Variants in SLC4A8 observed in about 807,000 individuals in gnomAD.
The protein encoded by SLC4A8 is solute carrier family 4 member 8.
In SLC4A8, 40 loss-of-function variants were observed where a neutral mutation model predicts 125.0. The ratio of observed to expected loss-of-function variants is 0.32; its 90% confidence interval spans 0.25 to 0.42. The LOEUF is 0.42. Among genes scored for constraint, SLC4A8 ranks in the 10% least tolerant of loss-of-function variants. SLC4A8 has a pLI of 1.00. For synonymous variants in SLC4A8, 456 were observed against 476.0 expected (o/e 0.96, Z 0.55); for missense variants, 863 against 1,355.1 (o/e 0.64, Z 5.70).
chr12:51,412,271 A>G (rs1948609501), intron 1 of SLC4A8, among the ~76,000 whole-genome samples: 1 of 152,038 alleles, frequency 6.6e-6, no homozygotes, highest in South Asian at 2.1e-4. Flanking sequence ...TGTTACTTGG[A>G]TGTATATCTT....
chr12:51,425,181 G>A (rs959181089), intron 1 of SLC4A8, 146 bp downstream of exon 1: 2 of 1,423,874 alleles, frequency 1.4e-6, no homozygotes, highest in Admixed American at 2.9e-5. Context: ...GACACCAGGG[G>A]GCGCTCCGGG....
Position 51,460,045 on chromosome 12 carries a change from C to T in SLC4A8, c.950C>T (p.Ala317Val). 1 of 1,613,720 alleles carries T rather than the reference C, an allele frequency of 6.2e-7. No homozygotes were observed. Among genetic ancestry groups the T allele is most frequent in the South Asian group, 1.1e-5 (1 of 91,084 alleles). ...EVDILDRPIV[A>V]FVRLSPAVLL... The stretch of plus-strand genomic sequence containing the variant: ...GATATTTTGGACCGTCCCATTGTTG[C>T]CTTTGTGAGGCTGTCTCCAGCTGTT... Residue 317 changes from alanine to valine, a missense_variant, in exon 8 of 25, where the codon GCC (alanine) becomes GTC (valine). Physicochemically the swap from Ala to Val is moderately conservative, Grantham distance 64. This residue lies in a region of SLC4A8 where 390 missense variants were observed against 634.4 expected (regional missense o/e 0.61). Coordinates refer to ENST00000453097, the MANE Select transcript of SLC4A8 (RefSeq NM_001039960.3).
rs1458614648 is a variant in SLC4A8 at position 51,474,328 on chromosome 12, A to T, written c.1905-14A>T. On this transcript the variant is annotated splice_polypyrimidine_tract_variant and intron_variant, in intron 14 of 24. Coordinates refer to ENST00000453097, the MANE Select transcript of SLC4A8 (RefSeq NM_001039960.3). Reference sequence around the variant, plus strand: ...GCTGTTTTCCTCAGGAATCTTTTTAATTTTTCCCCTCAGCTGCAGGTGTAC... The same window carrying T: ...GCTGTTTTCCTCAGGAATCTTTTTATTTTTTCCCCTCAGCTGCAGGTGTAC... The T allele has an allele frequency of 6.6e-7, 1 of 1,524,536 alleles. No individual in the cohort carries two copies. The highest frequency in any genetic ancestry group is 1.4e-5 in the African/African-American group (1 of 73,222). 94.4% of individuals were successfully genotyped at this position (1,524,536 alleles called of 1,614,324 possible).
chr12:51,447,035 T>C (rs1949790851), intron 2 of SLC4A8, among the ~76,000 whole-genome samples: 1 of 129,992 alleles, frequency 7.7e-6, no homozygotes, highest in Non-Finnish European at 1.8e-5. Context: ...TCTGCCTGCC[T>C]GCCTGTCTGT....
At chr12:51,405,925 A>G (rs1175336307) in intron 1 of SLC4A8, among the ~76,000 whole-genome samples, 2 of 152,232 alleles carry the variant, frequency 1.3e-5, no homozygotes, top group African/African-American at 2.4e-5. Context: ...CATGATGCCT[A>G]TAATAAATTA....
chr12:51,503,766 C>T (rs1229133199), intron 22 of SLC4A8, among the ~76,000 whole-genome samples: 2 of 152,102 alleles, frequency 1.3e-5, no homozygotes. Flanking sequence ...CTTCTGTCTG[C>T]TATATTTGTA....
chr12:51,475,388 T>A (rs1168509681), intron 16 of SLC4A8, among the ~76,000 whole-genome samples, 182 bp downstream of exon 16: 1 of 152,220 alleles, frequency 6.6e-6, no homozygotes, highest in Non-Finnish European at 1.5e-5. Flanking sequence ...TGGTTGGGAA[T>A]GAAGGGTTAA....
chr12:51,477,082 T>G (rs1950879517), intron 16 of SLC4A8, among the ~76,000 whole-genome samples: 2 of 151,948 alleles, frequency 1.3e-5, no homozygotes, highest in South Asian at 4.2e-4. Context: ...TTTTGTATTT[T>G]TAGTAGAGAC....
chr12:51,429,028 G>T (rs750065967), intron 1 of SLC4A8, among the ~76,000 whole-genome samples: 44 of 152,248 alleles, frequency 2.9e-4, no homozygotes, highest in Non-Finnish European at 5.1e-4. Flanking sequence ...TCCTGCCTCA[G>T]CATCCCGAGT....
chr12:51,481,828 A>C (rs990619469), intron 16 of SLC4A8, among the ~76,000 whole-genome samples: 1 of 151,764 alleles, frequency 6.6e-6, no homozygotes, highest in African/African-American at 2.4e-5. Flanking sequence ...GGTGTGTGAT[A>C]GTAGTCCCAG....
intron 16 of SLC4A8, among the ~76,000 whole-genome samples, chr12:51,476,449 C>G (rs937780128): frequency 5.3e-5 from 8 of 151,774 alleles, no homozygotes; most frequent in African/African-American, 1.9e-4. Flanking sequence ...CCACTGCACT[C>G]CAGCCTGGGC....
At chr12:51,495,337 A>G (rs1264805626) in intron 21 of SLC4A8, among the ~76,000 whole-genome samples, 3 of 151,956 alleles carry the variant, frequency 2.0e-5, no homozygotes, top group Admixed American at 1.3e-4. Context: ...CCATTCTCCC[A>G]TACCCTCAGC....
chr12:51,449,918 A>G (rs1426446528), intron 2 of SLC4A8, among the ~76,000 whole-genome samples: 3 of 152,082 alleles, frequency 2.0e-5, no homozygotes, highest in East Asian at 1.9e-4. Context: ...ATTCCTAGCT[A>G]CTTGGGAGAC....
At chr12:51,392,580 A>AAAAAG (rs1555183491) in intron 1 of SLC4A8, among the ~76,000 whole-genome samples, 2 of 150,856 alleles carry the variant, frequency 1.3e-5, no homozygotes, top group Non-Finnish European at 3.0e-5. Context: ...TCAAAAAAAA[A>AAAAAG]AAAAAAGAAA....
rs1006354708 is a variant in SLC4A8 at position 51,457,286 on chromosome 12, G to A, written c.575-65G>A. ...CCATGCCCTTTACCCCACTCCACCT[G>A]ATGTTGGCCTTCTTGGGTTCATTAA... On this transcript the variant is annotated intron_variant, in intron 5 of 24. Transcript: ENST00000453097. 4.8e-5 allele frequency: 68 copies of A among 1,416,362 alleles called. No individual in the cohort carries two copies. In the African/African-American group the frequency reaches 7.6e-4, roughly 16 times the overall value. The allele number at this position is 1,416,362 out of a possible 1,614,324, so 87.7% of individuals were successfully genotyped here. A position where few individuals can be genotyped will look rare whatever the true frequency, so the allele number is the denominator to read the frequency against.
At chr12:51,495,467 C>CT (rs1265107149) in intron 21 of SLC4A8, among the ~76,000 whole-genome samples, 15 of 100,832 alleles carry the variant, frequency 1.5e-4, no homozygotes, top group Admixed American at 8.5e-4. Context: ...TTCTTTCTTT[C>CT]TTCTTTTTTT....
At chr12:51,430,385 C>A (rs1592168811) in intron 1 of SLC4A8, among the ~76,000 whole-genome samples, 1 of 151,980 alleles carries the variant, frequency 6.6e-6, no homozygotes, top group East Asian at 1.9e-4. Context: ...AGGGTCATAG[C>A]CAGTTTATGG....
chr12:51,405,777 G>A (rs1011104953), intron 1 of SLC4A8, among the ~76,000 whole-genome samples: 2 of 152,166 alleles, frequency 1.3e-5, no homozygotes, highest in African/African-American at 2.4e-5. Context: ...TAAGGTTTTC[G>A]ATTCATTCCA....
chr12:51,452,224 A>G lies in SLC4A8; in HGVS notation c.378A>G (p.Lys126=). The G allele has an allele frequency of 6.2e-7, 1 of 1,614,236 alleles. No homozygotes were observed. The highest frequency in any genetic ancestry group is 8.5e-7 in the Non-Finnish European group (1 of 1,180,030). The change falls in exon 4 of 25, where the codon AAA becomes AAG. Residue 126 remains lysine (K), a synonymous_variant. Transcript: ENST00000453097. ...LFTELDEICM[K]EGEDAEWKET... is the part of the protein sequence containing the mutation. ...CAGAGCTGGATGAGATCTGTATGAA[A>G]GAGGGAGAAGATGCTGAGTGGAAGG...
Sources: allele counts gnomAD v4.1 joint callset (sites outside exome capture counted in the v4.1 genomes callset), GRCh38; gene constraint gnomAD v4.1.1; regional missense constraint gnomAD v4.1.1; transcripts MANE v1.5; gene names NCBI Gene and HGNC (gene_info 2026-07-23, HGNC 2026-07-21).